The following CDH12 variants were observed in gnomAD, a reference collection of about 807,000 sequenced individuals.
CDH12 encodes the protein cadherin-12.
Under a neutral mutation model 74.1 loss-of-function variants are expected in CDH12, and 41 were observed. The ratio of observed to expected loss-of-function variants is 0.55; its 90% CI spans 0.43 to 0.72. CDH12 has a LOEUF of 0.72. CDH12 is among the 30% of genes least tolerant of loss of function. The pLI, the probability that CDH12 is intolerant of heterozygous loss-of-function variation, is 0.00. For missense variants in CDH12, 945 were observed against 977.2 expected (o/e 0.97, Z 0.44); for synonymous variants, 399 against 355.0 (o/e 1.12, Z -1.39).
chr5:22,094,528 G>T (rs552416597), intron 4 of CDH12, among the ~76,000 whole-genome samples: 81 of 152,274 alleles, frequency 5.3e-4, no homozygotes, highest in Non-Finnish European at 1.1e-3. Flanking sequence ...TATCGTAACA[G>T]TAGGGGGTGG....
At chr5:22,399,851 A>G (rs551741088) in intron 3 of CDH12, among the ~76,000 whole-genome samples, 1 of 151,826 alleles carries the variant, frequency 6.6e-6, no homozygotes, top group East Asian at 1.9e-4. Flanking sequence ...AAATTTTTCT[A>G]CCTACTTGTA....
intron 2 of CDH12, among the ~76,000 whole-genome samples, chr5:22,489,187 A>T: frequency 6.6e-6 from 1 of 150,758 alleles, no homozygotes; most frequent in East Asian, 2.0e-4. Context: ...CCTCCTGAGT[A>T]GCTGGGACTA....
intron 1 of CDH12, among the ~76,000 whole-genome samples, chr5:22,697,382 T>C (rs1422082260): frequency 1.3e-5 from 2 of 151,828 alleles, no homozygotes; most frequent in African/African-American, 4.8e-5. Flanking sequence ...CCATCCTGGC[T>C]AACACGGTGG....
At chr5:21,970,367 G>A (rs929905450) in intron 6 of CDH12, among the ~76,000 whole-genome samples, 2 of 152,120 alleles carry the variant, frequency 1.3e-5, no homozygotes, top group African/African-American at 4.8e-5. Context: ...TGGCTCAAGG[G>A]ATAAGAGAAT....
intron 4 of CDH12, among the ~76,000 whole-genome samples, chr5:22,136,254 A>G (rs1243839544): frequency 6.6e-6 from 1 of 152,010 alleles, no homozygotes; most frequent in East Asian, 1.9e-4. Context: ...TTTGGAAGGT[A>G]GGAGTTATCA....
intron 1 of CDH12, among the ~76,000 whole-genome samples, chr5:22,677,846 C>G (rs956127626): frequency 1.3e-5 from 2 of 152,088 alleles, no homozygotes; most frequent in South Asian, 2.1e-4. Flanking sequence ...TCTGGGAAGT[C>G]TGAGATCAGG....
At chr5:22,531,659 C>T (rs554498572) in intron 1 of CDH12, among the ~76,000 whole-genome samples, 1 of 152,062 alleles carries the variant, frequency 6.6e-6, no homozygotes, top group East Asian at 1.9e-4. Context: ...AATATTAGCA[C>T]ACCAGAAAAA....
intron 3 of CDH12, among the ~76,000 whole-genome samples, chr5:22,256,928 G>A (rs1358061237): frequency 6.6e-6 from 1 of 152,062 alleles, no homozygotes; most frequent in Non-Finnish European, 1.5e-5. Context: ...CAATCTAAAT[G>A]ACCATCAATG....
intron 8 of CDH12, among the ~76,000 whole-genome samples, chr5:21,821,551 G>A (rs888065743): frequency 2.0e-5 from 3 of 151,714 alleles, no homozygotes; most frequent in African/African-American, 7.3e-5. Context: ...GGAAGTCAAT[G>A]TTTAACTGCA....
intron 4 of CDH12, among the ~76,000 whole-genome samples, chr5:22,171,590 C>A (rs1268364983): frequency 6.6e-6 from 1 of 151,912 alleles, no homozygotes; most frequent in Admixed American, 6.6e-5. Flanking sequence ...AGCACTTCAT[C>A]CTTACGATAA....
intron 3 of CDH12, among the ~76,000 whole-genome samples, chr5:22,242,831 A>G (rs994567596): frequency 6.6e-6 from 1 of 152,166 alleles, no homozygotes; most frequent in Non-Finnish European, 1.5e-5. Context: ...ATGGCTGATT[A>G]CTAACTCTGC....
At chr5:22,808,553 C>G (rs2126440440) in intron 1 of CDH12, among the ~76,000 whole-genome samples, 1 of 150,146 alleles carries the variant, frequency 6.7e-6, no homozygotes, top group East Asian at 1.9e-4. Flanking sequence ...TGCAATTTAA[C>G]TATTTGTTTT....
At chr5:22,318,473 C>T (rs777052258) in intron 3 of CDH12, among the ~76,000 whole-genome samples, 9 of 152,182 alleles carry the variant, frequency 5.9e-5, no homozygotes, top group Non-Finnish European at 1.3e-4. Context: ...GGGGGAGGCT[C>T]CTTTTCCCTA....
intron 4 of CDH12, among the ~76,000 whole-genome samples, chr5:22,179,937 G>A (rs1169115574): frequency 6.6e-6 from 1 of 152,198 alleles, no homozygotes; most frequent in African/African-American, 2.4e-5. Flanking sequence ...CATGCAAATA[G>A]AGTGGGTAAA....
intron 10 of CDH12, among the ~76,000 whole-genome samples, chr5:21,786,683 T>A (rs556475549): frequency 6.6e-6 from 1 of 152,254 alleles, no homozygotes; most frequent in Admixed American, 6.5e-5. Flanking sequence ...AGAAATACAG[T>A]TTGTAAGGCT....
At chr5:21,926,473 C>T (rs886401084) in intron 6 of CDH12, among the ~76,000 whole-genome samples, 2 of 152,184 alleles carry the variant, frequency 1.3e-5, no homozygotes, top group African/African-American at 4.8e-5. Flanking sequence ...ATCTCTACCT[C>T]TCTCTTGGTT....
At chr5:21,998,274 C>G (rs1266414638) in intron 5 of CDH12, among the ~76,000 whole-genome samples, 2 of 151,914 alleles carry the variant, frequency 1.3e-5, no homozygotes, top group African/African-American at 2.4e-5. Context: ...AAACAGCAGT[C>G]AATAAAGGAG....
chr5:21,779,499 A>G (rs1229414560), intron 11 of CDH12: 1 of 152,246 alleles, frequency 6.6e-6, no homozygotes, highest in Non-Finnish European at 1.5e-5. Flanking sequence ...CAAGGTTAAT[A>G]TAATAAAAAC....
intron 1 of CDH12, among the ~76,000 whole-genome samples, chr5:22,588,149 A>G (rs1740508852): frequency 6.6e-6 from 1 of 151,492 alleles, no homozygotes; most frequent in South Asian, 2.1e-4. Context: ...TTATTCTATT[A>G]GGTTAAATTA....
Sources: gnomAD v4.1 joint callset for allele counts (sites outside exome capture counted in the v4.1 genomes callset) on GRCh38, gnomAD v4.1.1 for gene constraint, MANE v1.5 for transcripts, NCBI Gene and HGNC (gene_info 2026-07-23, HGNC 2026-07-21) for gene names.